Variants in AGAP1 observed in about 807,000 individuals in gnomAD.
The protein encoded by AGAP1 is ArfGAP with GTPase domain, ankyrin repeat and PH domain 1.
A neutral mutation model predicts 105.3 loss-of-function variants in AGAP1; 29 were observed. The ratio of observed to expected loss-of-function variants is 0.28; its 90% CI spans 0.21 to 0.38. The LOEUF (loss-of-function observed/expected upper bound fraction) is 0.38. AGAP1 is among the 10% of genes least tolerant of loss of function. The probability of loss-of-function intolerance (pLI) is 1.00; values close to 1 mark genes in which losing one functional copy is unlikely to be tolerated. For missense variants in AGAP1, 998 were observed against 1,165.1 expected (o/e 0.86, Z 2.09); for synonymous variants, 509 against 485.9 (o/e 1.05, Z -0.63).
rs1353454001 is a variant in AGAP1, at chr2:236,045,561, C to T, written c.1892-3498C>T. ...AAAGGCAGTGCTAGCAGGTGGCACGCACACAGGTGTGAGGGCCTGGAGAGC... is the reference window on the plus strand; with the variant it reads ...AAAGGCAGTGCTAGCAGGTGGCACGTACACAGGTGTGAGGGCCTGGAGAGC... On this transcript the variant is annotated intron_variant, in intron 15 of 17. Coordinates refer to ENST00000304032, the MANE Select transcript of AGAP1 (RefSeq NM_001037131.3). This position sits in a 1 kb window ranked among gnomAD's most constrained non-coding sequence, Gnocchi z 6.9. 6.6e-6 allele frequency among the ~76,000 whole-genome samples: 1 copy of T among 152,234 alleles called. No homozygotes were observed. Among genetic ancestry groups the T allele is most frequent in the Non-Finnish European group, 1.5e-5 (1 of 68,050 alleles).
At chr2:235,706,802 A>G (rs1007987105) in intron 1 of AGAP1, among the ~76,000 whole-genome samples, 6 of 152,216 alleles carry the variant, frequency 3.9e-5, no homozygotes, top group African/African-American at 1.4e-4. Context: ...TTTTGGAGTC[A>G]TCATCATTGA....
intron 1 of AGAP1, among the ~76,000 whole-genome samples, chr2:235,530,078 T>C (rs1266253399): frequency 2.0e-5 from 3 of 152,122 alleles, no homozygotes; most frequent in Non-Finnish European, 4.4e-5. Flanking sequence ...ATCCATCCCC[T>C]GCTGTCCCAA....
chr2:236,106,085 A>G (rs1480818543), intron 16 of AGAP1, among the ~76,000 whole-genome samples: 5 of 152,220 alleles, frequency 3.3e-5, no homozygotes. Flanking sequence ...CTTGCATTGC[A>G]GCAAATCACT....
In AGAP1 at chr2:235,792,046, G is replaced by A. The variant is rs1390332729; in HGVS notation, c.674-5713G>A. Among the ~76,000 whole-genome samples the A allele has an allele frequency of 1.3e-5, 2 of 152,114 alleles. No homozygotes were observed. Among genetic ancestry groups the A allele is most frequent in the Non-Finnish European group, 2.9e-5 (2 of 68,026 alleles). ...CATTTAAAATACGGTTTTATTGGAG[G>A]TGTGGTTCGTACTTTATAATCCCTA... On this transcript the variant is annotated intron_variant, in intron 6 of 17. Coordinates refer to ENST00000304032, the MANE Select transcript of AGAP1 (RefSeq NM_001037131.3). This position sits in a 1 kb window ranked among gnomAD's most constrained non-coding sequence, Gnocchi z 5.3.
In AGAP1 at chr2:235,812,840, G is replaced by A. The variant is rs556178120; in HGVS notation, c.1050+5509G>A. Among the ~76,000 whole-genome samples, 6 of 152,326 alleles carry A rather than the reference G, an allele frequency of 3.9e-5. No individual in the cohort carries two copies. In the East Asian group the frequency reaches 1.2e-3, roughly 29 times the overall value. ...TGAGCGAGAGGCCCGCCGAGCGTAC[G>A]ATGTCCACCCACGTGGCAAATCAGC... On this transcript the variant is annotated intron_variant, in intron 9 of 17. Coordinates refer to ENST00000304032, the MANE Select transcript of AGAP1 (RefSeq NM_001037131.3).
chr2:235,837,019 C>G (rs1326012902), intron 9 of AGAP1, among the ~76,000 whole-genome samples: 1 of 152,118 alleles, frequency 6.6e-6, no homozygotes, highest in Non-Finnish European at 1.5e-5. Context: ...GAGTTTTGCT[C>G]TTGTTGCCCG....
At chr2:235,667,347 G>C (rs530079773) in intron 1 of AGAP1, among the ~76,000 whole-genome samples, 20 of 152,206 alleles carry the variant, frequency 1.3e-4, no homozygotes, top group Non-Finnish European at 2.8e-4. Context: ...ATGCTACCTG[G>C]AAATGTCAAG....
rs116056738 is a variant in AGAP1 at position 235,881,845 on chromosome 2, A to G, written c.1051-1500A>G. 6.7e-3 allele frequency among the ~76,000 whole-genome samples: 1,020 copies of G among 152,346 alleles called. 16 individuals carry two copies. Among genetic ancestry groups the G allele is most frequent in the African/African-American group, 0.022 (924 of 41,586 alleles). ...GGTTTCAAATTCTGAGTGGTTTTCAAGGAGGCTTAATATGATTTCATTAAA... is the reference window on the plus strand; with the variant it reads ...GGTTTCAAATTCTGAGTGGTTTTCAGGGAGGCTTAATATGATTTCATTAAA... On this transcript the variant is annotated intron_variant, in intron 9 of 17. Transcript: ENST00000304032.
intron 9 of AGAP1, among the ~76,000 whole-genome samples, chr2:235,836,170 A>T (rs1960132399): frequency 6.6e-6 from 1 of 152,236 alleles, no homozygotes; most frequent in Non-Finnish European, 1.5e-5. Flanking sequence ...CAAAAGAGTA[A>T]ACTGAACAGC....
rs2149620419 is a variant in AGAP1 at position 235,733,356 on chromosome 2, G to T, written c.311-7607G>T. 6.6e-6 allele frequency among the ~76,000 whole-genome samples: 1 copy of T among 152,294 alleles called. No homozygotes were observed. The highest frequency in any genetic ancestry group is 3.4e-3 in the Middle Eastern group (1 of 294). ...TTCTGTTTCTTCCCTGCGCACTTTG[G>T]GGTGAAGTGATGGGGTGTTGTTGGC... On this transcript the variant is annotated intron_variant, in intron 3 of 17. Coordinates refer to ENST00000304032, the MANE Select transcript of AGAP1 (RefSeq NM_001037131.3). The surrounding 1 kb of genome is among the most constrained non-coding windows in gnomAD (Gnocchi z 5.0).
In AGAP1 at chr2:235,744,952, T is replaced by C. The variant is rs1262516090; in HGVS notation, c.538+113T>C. On this transcript the variant is annotated intron_variant, in intron 5 of 17. Transcript: ENST00000304032. This position sits in a 1 kb window ranked among gnomAD's most constrained non-coding sequence, Gnocchi z 5.2. ...GAAGGAAAAATTGCCTACTGAACGCTCACTTTTTTGGGAAAAATTATGGAA... is the reference window on the plus strand; with the variant it reads ...GAAGGAAAAATTGCCTACTGAACGCCCACTTTTTTGGGAAAAATTATGGAA... The C allele has an allele frequency of 3.8e-6, 5 of 1,313,874 alleles. No homozygotes were observed. In the African/African-American group the frequency reaches 5.9e-5, roughly 16 times the overall value. 81.4% of individuals were successfully genotyped at this position (1,313,874 alleles called of 1,614,324 possible). A position where few individuals can be genotyped will look rare whatever the true frequency, so the allele number is the denominator to read the frequency against.
intron 9 of AGAP1, among the ~76,000 whole-genome samples, chr2:235,871,703 C>G (rs567274082): frequency 3.9e-5 from 6 of 152,242 alleles, no homozygotes; most frequent in African/African-American, 1.4e-4. Context: ...TTGACTGTTT[C>G]TTATAACACT....
rs1014126842 is a variant in AGAP1, at chr2:235,736,909, T to C, written c.311-4054T>C. Among the ~76,000 whole-genome samples the C allele has an allele frequency of 1.3e-5, 2 of 152,218 alleles. No individual in the cohort carries two copies. The highest frequency in any genetic ancestry group is 4.8e-5 in the African/African-American group (2 of 41,460). On this transcript the variant is annotated intron_variant, in intron 3 of 17. Transcript: ENST00000304032. The surrounding 1 kb of genome is among the most constrained non-coding windows in gnomAD (Gnocchi z 5.5). ...ATGACTGGGATGAGATCTGATGAAA[T>C]GGTAGGTTGAATTTAAAATGGTGCA... is the stretch of plus-strand genomic sequence containing the variant.
chr2:235,670,531 C>G (rs1004638976), intron 1 of AGAP1: 1 of 481,850 alleles, frequency 2.1e-6, no homozygotes, highest in Non-Finnish European at 3.6e-6. Context: ...TGGAGGGGGC[C>G]CGGGCCGCGC....
chr2:236,018,093 C>G (rs979930940), intron 13 of AGAP1, among the ~76,000 whole-genome samples: 6 of 152,180 alleles, frequency 3.9e-5, no homozygotes, highest in African/African-American at 1.4e-4. Flanking sequence ...GAGATAGAAA[C>G]TTTGGATATA....
At chr2:235,896,102 C>T (rs566986093) in intron 10 of AGAP1, among the ~76,000 whole-genome samples, 113 of 152,328 alleles carry the variant, frequency 7.4e-4, no homozygotes, top group Admixed American at 1.5e-3. Context: ...AACACAAATT[C>T]CTATCCCCCC....
intron 16 of AGAP1, among the ~76,000 whole-genome samples, chr2:236,077,913 T>C (rs2125823551): frequency 6.6e-6 from 1 of 152,306 alleles, no homozygotes. Flanking sequence ...ATCTGTTCTT[T>C]CTCACCTTGC....
Position 235,716,123 on chromosome 2 carries a change from G to A in AGAP1, c.223-1434G>A, listed in dbSNP as rs775596935. On this transcript the variant is annotated intron_variant, in intron 2 of 17. Transcript: ENST00000304032. This position sits in a 1 kb window ranked among gnomAD's most constrained non-coding sequence, Gnocchi z 4.0. The stretch of plus-strand genomic sequence containing the variant: ...GAGTTATGATTCCAGAGTCTGCAGG[G>A]TGTCTCCTGTTAAATGGAATCGCAG... 1.3e-5 allele frequency among the ~76,000 whole-genome samples: 2 copies of A among 152,188 alleles called. No individual in the cohort carries two copies. The highest frequency in any genetic ancestry group is 4.8e-5 in the African/African-American group (2 of 41,440).
Position 235,689,245 on chromosome 2 carries a change from T to C in AGAP1, c.164-19934T>C, listed in dbSNP as rs1949621758. Among the ~76,000 whole-genome samples the C allele has an allele frequency of 6.6e-6, 1 of 151,674 alleles. No homozygotes were observed. Among genetic ancestry groups the C allele is most frequent in the Admixed American group, 6.6e-5 (1 of 15,240 alleles). On this transcript the variant is annotated intron_variant, in intron 1 of 17. Coordinates refer to ENST00000304032, the MANE Select transcript of AGAP1 (RefSeq NM_001037131.3). This position sits in a 1 kb window ranked among gnomAD's most constrained non-coding sequence, Gnocchi z 4.2. ...CACTCTTCATTCGCTAGCACCGAGATGGTTCAGGGCACTTTGGAGCTAGAG... is the reference window on the plus strand; with the variant it reads ...CACTCTTCATTCGCTAGCACCGAGACGGTTCAGGGCACTTTGGAGCTAGAG...
Sources: allele counts gnomAD v4.1 joint callset (sites outside exome capture counted in the v4.1 genomes callset), GRCh38; gene constraint gnomAD v4.1.1; non-coding constraint Gnocchi (gnomAD v3.1); transcripts MANE v1.5; gene names NCBI Gene and HGNC (gene_info 2026-07-23, HGNC 2026-07-21).